Variants in NCAM1 observed in about 807,000 individuals in gnomAD.
NCAM1 encodes the protein neural cell adhesion molecule 1, also known as antigen recognized by monoclonal antibody 5.1H11.
In NCAM1, 14 loss-of-function variants were observed where a neutral mutation model predicts 109.8. The observed-to-expected ratio is 0.13, with a 90% CI of 0.08 to 0.20. The LOEUF is 0.20. NCAM1 is among the 10% of genes least tolerant of loss of function. The pLI, the probability that NCAM1 is intolerant of heterozygous loss-of-function variation, is 1.00. For missense variants in NCAM1, 774 were observed against 1,109.9 expected, an observed-to-expected ratio of 0.70 and a Z score of 4.30; for synonymous variants, 418 against 442.9, an observed-to-expected ratio of 0.94 and a Z score of 0.70.
At chr11:113,033,228 C>T (rs1424543379) in intron 1 of NCAM1, among the ~76,000 whole-genome samples, 4 of 152,198 alleles carry the variant, frequency 2.6e-5, no homozygotes, top group Non-Finnish European at 5.9e-5. Context: ...GTAATGTTAT[C>T]AGACTTGCTT....
At chr11:112,965,143 TA>T (rs1950697604) in intron 1 of NCAM1, among the ~76,000 whole-genome samples, 1 of 152,172 alleles carries the variant, frequency 6.6e-6, no homozygotes, top group Admixed American at 6.5e-5. Context: ...GAGTTTCCTC[TA>T]AGTCTTACAA....
At chr11:113,074,339 C>T (rs782367444) in intron 1 of NCAM1, among the ~76,000 whole-genome samples, 2 of 152,002 alleles carry the variant, frequency 1.3e-5, no homozygotes, top group Admixed American at 6.5e-5. Context: ...GCCTGGTGGC[C>T]CTGGCTGTGG....
At chr11:113,078,482 T>G (rs574381184) in intron 1 of NCAM1, among the ~76,000 whole-genome samples, 160 of 152,250 alleles carry the variant, frequency 1.1e-3, no homozygotes, top group African/African-American at 3.7e-3. Context: ...AGCTACAGGA[T>G]GCTTGCCAAG....
intron 1 of NCAM1, among the ~76,000 whole-genome samples, chr11:113,155,681 A>G (rs1942384345): frequency 6.6e-6 from 1 of 152,128 alleles, no homozygotes; most frequent in Non-Finnish European, 1.5e-5. Context: ...GCAAGGTCCC[A>G]GTGGTCTTTA....
intron 1 of NCAM1, among the ~76,000 whole-genome samples, chr11:112,986,230 T>C (rs1317776821): frequency 6.6e-6 from 1 of 152,106 alleles, no homozygotes; most frequent in Non-Finnish European, 1.5e-5. Context: ...TTTGCATCTG[T>C]TGAACCATGC....
chr11:113,072,782 G>A (rs1408120893), intron 1 of NCAM1, among the ~76,000 whole-genome samples: 3 of 147,116 alleles, frequency 2.0e-5, no homozygotes, highest in Non-Finnish European at 4.5e-5. Flanking sequence ...ATAGATTTTA[G>A]ACCAATAATC....
chr11:113,011,176 T>C (rs1952041370), intron 1 of NCAM1, among the ~76,000 whole-genome samples: 1 of 136,372 alleles, frequency 7.3e-6, no homozygotes, highest in African/African-American at 2.8e-5. Context: ...TGTGATCTCA[T>C]TGTTCAATTC....
At chr11:113,189,881 G>GAAA (rs5794854) in intron 1 of NCAM1, among the ~76,000 whole-genome samples, 139 of 147,066 alleles carry the variant, frequency 9.5e-4, no homozygotes, top group African/African-American at 3.3e-3. Context: ...AACAAACAAG[G>GAAA]AAAAAAAAAA....
intron 1 of NCAM1, among the ~76,000 whole-genome samples, chr11:113,030,151 G>A (rs1952671980): frequency 6.6e-6 from 1 of 152,204 alleles, no homozygotes; most frequent in African/African-American, 2.4e-5. Context: ...GATATGAGTA[G>A]TGCCTGTCTA....
intron 1 of NCAM1, among the ~76,000 whole-genome samples, chr11:113,164,691 C>T (rs1323063905): frequency 5.9e-5 from 9 of 152,318 alleles, no homozygotes; most frequent in African/African-American, 2.2e-4. Context: ...AGGTTCAGAG[C>T]TTCCATGCCT....
intron 1 of NCAM1, among the ~76,000 whole-genome samples, chr11:113,112,874 G>A (rs985422750): frequency 1.3e-5 from 2 of 152,112 alleles, no homozygotes; most frequent in Non-Finnish European, 2.9e-5. Flanking sequence ...TCTCACACCC[G>A]TAATCCCAGC....
intron 1 of NCAM1, among the ~76,000 whole-genome samples, chr11:113,039,995 T>A (rs1312811984): frequency 1.3e-5 from 2 of 151,718 alleles, no homozygotes; most frequent in African/African-American, 4.8e-5. Context: ...ACAAAACTTA[T>A]CCGGGCGTGG....
chr11:113,252,371 A>C (rs1452809397), intron 15 of NCAM1, among the ~76,000 whole-genome samples: 3 of 148,664 alleles, frequency 2.0e-5, no homozygotes, highest in African/African-American at 5.0e-5. Flanking sequence ...GTGCCACTGC[A>C]CTTCAGCTTG....
At chr11:113,271,612 A>G (rs1946276426) in intron 18 of NCAM1, 148 bp from the exon 19 acceptor site, 1 of 559,970 alleles carries the variant, frequency 1.8e-6, no homozygotes, top group Non-Finnish European at 3.2e-6. Flanking sequence ...TCACACAGCT[A>G]GCAAGGGTTG....
chr11:113,145,048 A>G (rs1192740835), intron 1 of NCAM1, among the ~76,000 whole-genome samples: 1 of 152,142 alleles, frequency 6.6e-6, no homozygotes, highest in African/African-American at 2.4e-5. Context: ...AAAGATAGAT[A>G]CCTCCACTTA....
chr11:113,276,780 T>C lies in NCAM1; in HGVS notation c.*1393T>C, dbSNP rs550421830. The C allele has an allele frequency of 2.2e-5, 3 of 139,010 alleles. No homozygotes were observed. The highest frequency in any genetic ancestry group is 2.3e-4 in the East Asian group (1 of 4,292). The allele number at this position is 139,010 out of a possible 1,614,324, so 8.6% of individuals were successfully genotyped here. ...ACTGTCTGGAGTCATAACACAACTT[T>C]CCTGGATTGGAAACCAAGTGGGGGA... On this transcript the variant is annotated 3_prime_UTR_variant, in exon 20 of 20. Coordinates refer to ENST00000316851, the MANE Select transcript of NCAM1 (RefSeq NM_181351.5).
At chr11:112,969,457 G>C (rs1950818563) in intron 1 of NCAM1, among the ~76,000 whole-genome samples, 1 of 152,070 alleles carries the variant, frequency 6.6e-6, no homozygotes, top group Non-Finnish European at 1.5e-5. Context: ...TGTGGCTTCT[G>C]GACTGAGTCT....
chr11:113,065,575 C>T (rs1937911242), intron 1 of NCAM1, among the ~76,000 whole-genome samples: 1 of 152,130 alleles, frequency 6.6e-6, no homozygotes, highest in Non-Finnish European at 1.5e-5. Context: ...CTCTTCCTAC[C>T]CATGCCATAA....
At chr11:113,164,604 A>G (rs782520038) in intron 1 of NCAM1, among the ~76,000 whole-genome samples, 2 of 152,198 alleles carry the variant, frequency 1.3e-5, no homozygotes, top group Non-Finnish European at 2.9e-5. Flanking sequence ...CTGATTCATG[A>G]TAAAGGATAA....
Sources: allele counts gnomAD v4.1 joint callset (sites outside exome capture counted in the v4.1 genomes callset), GRCh38; gene constraint gnomAD v4.1.1; transcripts MANE v1.5; gene names NCBI Gene and HGNC (gene_info 2026-07-23, HGNC 2026-07-21).